LRIG1: variants seen among roughly 807,000 people sequenced by gnomAD.
The protein encoded by LRIG1 is leucine rich repeats and immunoglobulin like domains 1.
LRIG1 carries 48 observed loss-of-function variants against 99.2 expected under a neutral mutation model. That is an observed-to-expected ratio of 0.48 (90% CI 0.38 to 0.62). The LOEUF is 0.62. Ranked by LOEUF, LRIG1 falls within the 20% of genes least tolerant of loss-of-function variation. The pLI, the probability that LRIG1 is intolerant of heterozygous loss-of-function variation, is 0.00. For missense variants in LRIG1, 1,646 were observed against 1,434.4 expected, an observed-to-expected ratio of 1.15 and a Z score of -2.38; for synonymous variants, 772 against 596.1, an observed-to-expected ratio of 1.29 and a Z score of -4.30.
chr3:66,423,818 G>A (rs767358588), intron 3 of LRIG1, among the ~76,000 whole-genome samples: 20 of 152,200 alleles, frequency 1.3e-4, no homozygotes, highest in Non-Finnish European at 1.9e-4. Flanking sequence ...CCTCTGTAAA[G>A]TGATGTGTGA....
At chr3:66,406,500 C>A (rs1702274165) in intron 8 of LRIG1, 36 of 857,732 alleles carry the variant, frequency 4.2e-5, no homozygotes, top group Non-Finnish European at 4.5e-5. Context: ...TTAAAGCCGG[C>A]TCTGCCAGGT....
intron 2 of LRIG1, among the ~76,000 whole-genome samples, chr3:66,461,893 G>GT (rs1317704474): frequency 6.6e-6 from 1 of 152,168 alleles, no homozygotes; most frequent in African/African-American, 2.4e-5. Context: ...AGAGGAACAG[G>GT]TAAGCCTCTA....
intron 5 of LRIG1, among the ~76,000 whole-genome samples, chr3:66,414,283 G>C (rs1702554556): frequency 6.6e-6 from 1 of 152,122 alleles, no homozygotes; most frequent in Non-Finnish European, 1.5e-5. Context: ...TGTAGTCCCA[G>C]CTGCTCTGGA....
At chr3:66,412,306 T>C (rs1305730421) in intron 6 of LRIG1, among the ~76,000 whole-genome samples, 1 of 152,142 alleles carries the variant, frequency 6.6e-6, no homozygotes, top group Non-Finnish European at 1.5e-5. Context: ...GAACTTCCTG[T>C]GGTCAGGAGT....
At position 66,494,142 on chromosome 3, in the gene LRIG1, C is replaced by T. The variant is rs570567077; in HGVS notation, c.218+6048G>A. Among the ~76,000 whole-genome samples the T allele has an allele frequency of 3.9e-5, 6 of 152,214 alleles. No individual in the cohort carries two copies. In the South Asian group the frequency reaches 1.2e-3, roughly 32 times the overall value. Reference sequence around the variant, plus strand: ...CCAGAATCATCATAAAGTAGATGGACCCAAGTTGAGGAACCTAGCTAAATA... The same window carrying T: ...CCAGAATCATCATAAAGTAGATGGATCCAAGTTGAGGAACCTAGCTAAATA... On this transcript the variant is annotated intron_variant, in intron 1 of 18. Transcript: ENST00000273261.
chr3:66,410,953 G>C (rs1010783896), intron 6 of LRIG1, among the ~76,000 whole-genome samples: 1 of 152,236 alleles, frequency 6.6e-6, no homozygotes, highest in Non-Finnish European at 1.5e-5. Context: ...ACCCGCTTTA[G>C]CTCTGGCGTC....
chr3:66,442,747 A>G (rs928801969), intron 3 of LRIG1, among the ~76,000 whole-genome samples: 1 of 152,100 alleles, frequency 6.6e-6, no homozygotes, highest in Non-Finnish European at 1.5e-5. Flanking sequence ...AAAGAGAGAA[A>G]GAGGCGGGCG....
chr3:66,392,761 G>C (rs780158730), intron 12 of LRIG1, among the ~76,000 whole-genome samples: 1 of 152,322 alleles, frequency 6.6e-6, no homozygotes, highest in African/African-American at 2.4e-5. Flanking sequence ...CCTATGGCAG[G>C]AAAGGGGAGG....
At chr3:66,393,713 C>T (rs1701717021) in intron 12 of LRIG1, among the ~76,000 whole-genome samples, 1 of 152,210 alleles carries the variant, frequency 6.6e-6, no homozygotes, top group Non-Finnish European at 1.5e-5. Flanking sequence ...GCCTCGTACG[C>T]GGAGTACATT....
chr3:66,402,857 G>A (rs954409922), intron 9 of LRIG1, among the ~76,000 whole-genome samples: 1 of 152,314 alleles, frequency 6.6e-6, no homozygotes, highest in Middle Eastern at 3.4e-3. Flanking sequence ...GGGCCACAGC[G>A]CAGAACTTTC....
intron 1 of LRIG1, among the ~76,000 whole-genome samples, chr3:66,491,083 G>A (rs1559826349): frequency 6.6e-6 from 1 of 152,108 alleles, no homozygotes; most frequent in African/African-American, 2.4e-5. Flanking sequence ...CAAGCACAGA[G>A]GGTTCCAGGA....
intron 7 of LRIG1, among the ~76,000 whole-genome samples, chr3:66,408,107 G>C (rs531214472): frequency 2.0e-5 from 3 of 152,168 alleles, no homozygotes; most frequent in Non-Finnish European, 4.4e-5. Flanking sequence ...TGCTTTGCCC[G>C]AACCTCAGAA....
chr3:66,383,313 A>G lies in LRIG1; in HGVS notation c.2160T>C (p.Pro720=). Residue 720 remains proline (P), a synonymous_variant, in exon 15 of 19, where the codon CCT becomes CCC. Coordinates refer to ENST00000273261, the MANE Select transcript of LRIG1 (RefSeq NM_015541.3). ...CCTTGAACCAGGTGATGCGGGGCGG[A>G]GGGTTCCCCGTGGCTTTGCATTGGA... ...VALQCKATGN[P]PPRITWFKGD... The G allele has an allele frequency of 6.2e-7, 1 of 1,606,440 alleles. No homozygotes were observed. The highest frequency in any genetic ancestry group is 8.5e-7 in the Non-Finnish European group (1 of 1,173,848).
chr3:66,478,857 C>T (rs1700783445), intron 1 of LRIG1, among the ~76,000 whole-genome samples: 1 of 152,146 alleles, frequency 6.6e-6, no homozygotes, highest in Non-Finnish European at 1.5e-5. Flanking sequence ...GAAAACCTGA[C>T]CCTCTACCCC....
At chr3:66,495,500 A>G (rs1471339337) in intron 1 of LRIG1, among the ~76,000 whole-genome samples, 3 of 152,220 alleles carry the variant, frequency 2.0e-5, no homozygotes, top group Non-Finnish European at 4.4e-5. Context: ...CGTGAAACTT[A>G]AAGTCCTTCT....
intron 1 of LRIG1, among the ~76,000 whole-genome samples, chr3:66,470,406 G>A (rs1700570212): frequency 6.6e-6 from 1 of 152,180 alleles, no homozygotes; most frequent in South Asian, 2.1e-4. Flanking sequence ...TTTTGAAGAG[G>A]AGTCCTGGGA....
intron 3 of LRIG1, among the ~76,000 whole-genome samples, chr3:66,421,272 TTTCAGCATTAACTCAA>T (rs1423998714): frequency 6.6e-6 from 1 of 152,194 alleles, no homozygotes; most frequent in Non-Finnish European, 1.5e-5. Flanking sequence ...TCTTAACTCA[TTTCAGCATTAACTCAA>T]AAGTCCACAG....
chr3:66,408,743 A>G (rs1559783440), intron 7 of LRIG1, among the ~76,000 whole-genome samples: 1 of 152,098 alleles, frequency 6.6e-6, no homozygotes, highest in Non-Finnish European at 1.5e-5. Context: ...ACAGAGCCTG[A>G]AAGGAGCCAT....
At chr3:66,402,421 G>A (rs1211466871) in intron 9 of LRIG1, among the ~76,000 whole-genome samples, 1 of 151,462 alleles carries the variant, frequency 6.6e-6, no homozygotes, top group African/African-American at 2.4e-5. Context: ...CTCCAACACA[G>A]CTGTGTGCGT....
Sources: allele counts gnomAD v4.1 joint callset (sites outside exome capture counted in the v4.1 genomes callset), GRCh38; gene constraint gnomAD v4.1.1; transcripts MANE v1.5; gene names NCBI Gene and HGNC (gene_info 2026-07-23, HGNC 2026-07-21).